The following CALN1 variants were observed in gnomAD, a reference collection of about 807,000 sequenced individuals.
The protein encoded by CALN1 is calcium-binding protein 8.
A neutral mutation model predicts 30.6 loss-of-function variants in CALN1; 17 were observed. The ratio of observed to expected loss-of-function variants is 0.56; its 90% CI spans 0.38 to 0.83. The LOEUF (loss-of-function observed/expected upper bound fraction) is 0.83. Among genes scored for constraint, CALN1 ranks in the 40% least tolerant of loss-of-function variants. The pLI is 0.00. For missense variants in CALN1, 291 were observed against 354.9 expected (o/e 0.82, Z 1.45); for synonymous variants, 156 against 131.4 (o/e 1.19, Z -1.28).
intron 3 of CALN1, among the ~76,000 whole-genome samples, chr7:72,223,173 C>T (rs779206124): frequency 2.0e-5 from 3 of 152,190 alleles, no homozygotes; most frequent in South Asian, 2.1e-4. Flanking sequence ...ATTTATTTAA[C>T]GGGCCGCGGT....
At chr7:72,501,468 GGAGGAA>G in the CALN1 span, among the ~76,000 whole-genome samples, 2 of 137,672 alleles carry the variant, frequency 1.5e-5, no homozygotes, top group Admixed American at 7.4e-5. Context: ...AGGAGGAGGA[GGAGGAA>G]GAAGGAAGGA....
chr7:71,850,437 C>T (rs1305443536), intron 5 of CALN1, among the ~76,000 whole-genome samples: 2 of 152,120 alleles, frequency 1.3e-5, no homozygotes, highest in East Asian at 1.9e-4. Flanking sequence ...ATGCTTGTCT[C>T]GAACTCCTGA....
chr7:72,349,830 A>G (rs1365957683), intron 2 of CALN1, among the ~76,000 whole-genome samples: 4 of 152,088 alleles, frequency 2.6e-5, no homozygotes, highest in South Asian at 2.1e-4. Context: ...TAGATTCTGG[A>G]TATTAGCCCT....
At chr7:71,874,035 G>A (rs1251912052) in intron 5 of CALN1, among the ~76,000 whole-genome samples, 1 of 152,178 alleles carries the variant, frequency 6.6e-6, no homozygotes, top group Non-Finnish European at 1.5e-5. Flanking sequence ...AGCACTTTGG[G>A]AGGCTGAGGC....
intron 5 of CALN1, among the ~76,000 whole-genome samples, chr7:72,013,253 T>C (rs1800191905): frequency 7.0e-6 from 1 of 142,356 alleles, no homozygotes; most frequent in Admixed American, 7.0e-5. Flanking sequence ...TGAGATTTTT[T>C]TTTTTTTTTT....
the CALN1 span, among the ~76,000 whole-genome samples, chr7:72,491,710 C>CAATTAGCTGCAATGGGG: frequency 3.3e-5 from 5 of 152,092 alleles, no homozygotes; most frequent in Non-Finnish European, 7.4e-5. Context: ...CTGCCCTGTG[C>CAATTAGCTGCAATGGGG]AATTAGCTGC....
At chr7:72,379,926 C>G (rs1422142639) in intron 2 of CALN1, among the ~76,000 whole-genome samples, 2 of 152,192 alleles carry the variant, frequency 1.3e-5, no homozygotes, top group East Asian at 1.9e-4. Flanking sequence ...TTCTCCCACT[C>G]ACTCAACTTC....
At chr7:71,995,320 C>A (rs972023081) in intron 5 of CALN1, among the ~76,000 whole-genome samples, 1 of 152,196 alleles carries the variant, frequency 6.6e-6, no homozygotes, top group African/African-American at 2.4e-5. Context: ...GTCATTCACC[C>A]GTGCAAGCTT....
chr7:72,132,700 T>C (rs990769981), intron 3 of CALN1, among the ~76,000 whole-genome samples: 24 of 152,168 alleles, frequency 1.6e-4, no homozygotes, highest in Non-Finnish European at 3.1e-4. Flanking sequence ...CTGGAGTGTG[T>C]TAACTCCATT....
At chr7:72,373,999 G>A (rs1316712083) in intron 2 of CALN1, among the ~76,000 whole-genome samples, 1 of 152,108 alleles carries the variant, frequency 6.6e-6, no homozygotes, top group South Asian at 2.1e-4. Context: ...ATTAAACCAA[G>A]AACTCTATAT....
intron 2 of CALN1, among the ~76,000 whole-genome samples, chr7:72,382,942 C>G (rs1337653940): frequency 6.6e-6 from 1 of 152,176 alleles, no homozygotes; most frequent in Non-Finnish European, 1.5e-5. Flanking sequence ...GTGCACGCCT[C>G]TACGCCCAGC....
At chr7:71,863,183 T>C (rs1300789649) in intron 5 of CALN1, among the ~76,000 whole-genome samples, 1 of 151,976 alleles carries the variant, frequency 6.6e-6, no homozygotes, top group African/African-American at 2.4e-5. Flanking sequence ...TGCTTGGGCC[T>C]GGGAGATGGA....
chr7:72,349,280 G>A (rs1333972303), intron 2 of CALN1, among the ~76,000 whole-genome samples: 3 of 135,992 alleles, frequency 2.2e-5, no homozygotes, highest in East Asian at 4.0e-4. Context: ...AAACACGCGT[G>A]CTTGTGTGTG....
Position 72,211,815 on chromosome 7 carries a change from G to A in CALN1, c.244+66871C>T, listed in dbSNP as rs75141388. On this transcript the variant is annotated intron_variant, in intron 3 of 6. Transcript: ENST00000395275. ...TGGGTTTGAATTAACTTTCTTCCAC[G>A]TATTAGCTGAGCCAGTTTCTACATC... 2.6e-5 allele frequency among the ~76,000 whole-genome samples: 4 copies of A among 152,092 alleles called. No homozygotes were observed. The East Asian group carries it at 5.8e-4, about 22-fold the overall frequency.
intron 5 of CALN1, among the ~76,000 whole-genome samples, chr7:72,001,636 G>A (rs1391115126): frequency 6.6e-6 from 1 of 152,166 alleles, no homozygotes; most frequent in Non-Finnish European, 1.5e-5. Context: ...TCTTCCAAGT[G>A]GACTTTACTT....
At chr7:72,210,190 G>A (rs777627805) in intron 3 of CALN1, among the ~76,000 whole-genome samples, 1 of 152,052 alleles carries the variant, frequency 6.6e-6, no homozygotes, top group Non-Finnish European at 1.5e-5. Flanking sequence ...CTACCAGGCT[G>A]CTGGGGCTTC....
At chr7:72,369,179 G>A (rs1804060892) in intron 2 of CALN1, among the ~76,000 whole-genome samples, 1 of 151,684 alleles carries the variant, frequency 6.6e-6, no homozygotes, top group Admixed American at 6.6e-5. Context: ...TTCATGTAAA[G>A]TGTACAATTT....
At chr7:72,372,861 A>G (rs117289550) in intron 2 of CALN1, among the ~76,000 whole-genome samples, 2,182 of 152,300 alleles carry the variant, frequency 0.014, 28 homozygotes, top group Non-Finnish European at 0.019. Flanking sequence ...AAATTCCCAA[A>G]ATACAATGAA....
intron 5 of CALN1, among the ~76,000 whole-genome samples, chr7:71,848,769 G>A (rs1054538489): frequency 1.3e-5 from 2 of 152,134 alleles, no homozygotes; most frequent in South Asian, 4.2e-4. Flanking sequence ...AAATTACATT[G>A]GTAGTTGTAA....
Sources: gnomAD v4.1 joint callset for allele counts (sites outside exome capture counted in the v4.1 genomes callset) on GRCh38, gnomAD v4.1.1 for gene constraint, MANE v1.5 for transcripts, NCBI Gene and HGNC (gene_info 2026-07-23, HGNC 2026-07-21) for gene names.